The following COBL variants were observed in gnomAD, a reference collection of about 807,000 sequenced individuals.
COBL encodes protein cordon-bleu.
In COBL, 51 loss-of-function variants were observed where a neutral mutation model predicts 98.8. That is an observed-to-expected ratio of 0.52 (90% CI 0.41 to 0.65). COBL has a LOEUF of 0.65. Ranked by LOEUF, COBL falls within the 30% of genes least tolerant of loss-of-function variation. The pLI, the probability that COBL is intolerant of heterozygous loss-of-function variation, is 0.00. For missense variants in COBL, 1,617 were observed against 1,617.5 expected (o/e 1.00, Z 0.01); for synonymous variants, 634 against 651.7 (o/e 0.97, Z 0.41).
chr7:51,092,007 T>C (rs906191830), intron 6 of COBL, among the ~76,000 whole-genome samples: 67 of 152,288 alleles, frequency 4.4e-4, no homozygotes, highest in Non-Finnish European at 6.8e-4. Context: ...CGTGGCTTGA[T>C]AGGAACCAAG....
chr7:51,312,819 G>C (rs571875283), intron 1 of COBL, among the ~76,000 whole-genome samples: 1 of 152,264 alleles, frequency 6.6e-6, no homozygotes, highest in South Asian at 2.1e-4. Flanking sequence ...GGGCAGGAGA[G>C]ATGCAACACT....
At chr7:51,208,127 G>A (rs1273488136) in intron 2 of COBL, among the ~76,000 whole-genome samples, 11 of 149,348 alleles carry the variant, frequency 7.4e-5, no homozygotes, top group South Asian at 4.3e-4. Context: ...CCGTGACCCC[G>A]TCTGGGAGGT....
chr7:51,274,756 A>G (rs1314812632), intron 1 of COBL, among the ~76,000 whole-genome samples: 1 of 152,226 alleles, frequency 6.6e-6, no homozygotes, highest in African/African-American at 2.4e-5. Context: ...TGCCTTGTAC[A>G]ACAGACGTAT....
chr7:51,155,123 T>C (rs1785986079), intron 5 of COBL, among the ~76,000 whole-genome samples: 1 of 152,158 alleles, frequency 6.6e-6, no homozygotes, highest in African/African-American at 2.4e-5. Flanking sequence ...CAGCTATAAA[T>C]GGTTGTTGAG....
At chr7:51,172,769 CTTT>C (rs1021735942) in intron 5 of COBL, among the ~76,000 whole-genome samples, 2 of 152,026 alleles carry the variant, frequency 1.3e-5, no homozygotes, top group Non-Finnish European at 2.9e-5. Flanking sequence ...TTCTTTCTTT[CTTT>C]TTTTCTTTCT....
At chr7:51,148,938 A>T (rs1352028008) in intron 5 of COBL, among the ~76,000 whole-genome samples, 1 of 152,056 alleles carries the variant, frequency 6.6e-6, no homozygotes, top group Non-Finnish European at 1.5e-5. Flanking sequence ...CCACAAAAAA[A>T]TCTCTTATCT....
In COBL at chr7:51,028,110, T is replaced by C. The variant is rs755909358; in HGVS notation, c.2986A>G (p.Ser996Gly). 1 of 1,614,046 alleles carries C rather than the reference T, an allele frequency of 6.2e-7. No individual in the cohort carries two copies. The change falls in exon 10 of 13, where the codon AGT becomes GGT. Residue 996 changes from serine (S) to glycine (G), a missense_variant. This residue lies in a region of COBL where 1,304 missense variants were observed against 1,282.0 expected (regional missense o/e 1.02). Coordinates refer to ENST00000265136, the MANE Select transcript of COBL (RefSeq NM_015198.5). The part of the protein sequence containing the change: ...RVSVGQSCGF[S>G]GKQSTSSQEA... ...TGGCTACTTGTGCTTTGCTTTCCAC[T>C]GAAACCACAGCTCTGTCCCACAGAA...
At chr7:51,031,063 G>A (rs548815456) in intron 8 of COBL, 154 bp from the exon 9 acceptor site, 136 of 629,778 alleles carry the variant, frequency 2.2e-4, no homozygotes, top group Middle Eastern at 1.3e-3. Context: ...CTACGGAGAC[G>A]CAGATTGTTC....
intron 5 of COBL, among the ~76,000 whole-genome samples, chr7:51,151,819 C>G (rs950931818): frequency 1.3e-5 from 2 of 152,232 alleles, no homozygotes; most frequent in African/African-American, 4.8e-5. Context: ...AGAAAGGGCT[C>G]TGTGTGCCTG....
chr7:51,259,409 C>T (rs1259400792), intron 1 of COBL: 2 of 439,452 alleles, frequency 4.6e-6, no homozygotes, highest in Non-Finnish European at 8.3e-6. Flanking sequence ...GGGCAGTTTT[C>T]AGCCCTGCCT....
At chr7:51,111,213 T>C (rs1249900715) in intron 6 of COBL, among the ~76,000 whole-genome samples, 1 of 152,200 alleles carries the variant, frequency 6.6e-6, no homozygotes, top group African/African-American at 2.4e-5. Flanking sequence ...AGTGGTGGGA[T>C]TGCTGCATCA....
chr7:51,127,613 T>TA (rs1331735856), intron 6 of COBL, among the ~76,000 whole-genome samples: 3 of 152,140 alleles, frequency 2.0e-5, no homozygotes, highest in East Asian at 3.9e-4. Context: ...TCTGAAAGAC[T>TA]AAAGCATTCA....
chr7:51,080,262 C>T (rs1328754658), intron 7 of COBL, among the ~76,000 whole-genome samples: 1 of 152,190 alleles, frequency 6.6e-6, no homozygotes, highest in African/African-American at 2.4e-5. Context: ...GCGCACAAAT[C>T]CATTATCCAT....
chr7:51,150,310 T>G (rs1288042885), intron 5 of COBL, among the ~76,000 whole-genome samples: 14 of 152,154 alleles, frequency 9.2e-5, no homozygotes, highest in Admixed American at 8.5e-4. Context: ...GACAGCTTCC[T>G]ACATTTCTGA....
At position 51,310,892 on chromosome 7, in the gene COBL, G is replaced by A. The variant is rs1042232662; in HGVS notation, c.41+5701C>T. 5.3e-5 allele frequency among the ~76,000 whole-genome samples: 8 copies of A among 151,980 alleles called. No individual in the cohort carries two copies. In the South Asian group the frequency reaches 1.5e-3, roughly 28 times the overall value. On this transcript the variant is annotated intron_variant, in intron 1 of 12. Coordinates refer to ENST00000265136, the MANE Select transcript of COBL (RefSeq NM_015198.5). ...AGGATGGTCTCGATCTCTTGACCTC[G>A]TGATCAACCCACCTCGGCCTCCCAA... is the stretch of plus-strand genomic sequence containing the variant.
intron 7 of COBL, among the ~76,000 whole-genome samples, chr7:51,077,327 C>T (rs1055614042): frequency 3.9e-5 from 6 of 152,194 alleles, no homozygotes; most frequent in Admixed American, 6.5e-5. Flanking sequence ...ACTAGTGATG[C>T]CCTTTGTGAC....
At chr7:51,085,076 TG>T in intron 7 of COBL, 89 bp downstream of exon 7, 1 of 1,587,274 alleles carries the variant, frequency 6.3e-7, no homozygotes, top group Admixed American at 1.8e-5. Flanking sequence ...TCATTATGGA[TG>T]AGGCCACTGC....
chr7:51,177,042 T>A (rs1004733610), intron 5 of COBL, among the ~76,000 whole-genome samples: 2 of 152,244 alleles, frequency 1.3e-5, no homozygotes, highest in African/African-American at 4.8e-5. Flanking sequence ...GGTCTACTAG[T>A]CAAATAGGTT....
intron 6 of COBL, among the ~76,000 whole-genome samples, chr7:51,107,090 TTG>T (rs368204480): frequency 0.16 from 20,030 of 128,102 alleles, 2,466 homozygotes; most frequent in Non-Finnish European, 0.24. Context: ...CCTAGTTTGT[TTG>T]TTTTTTTTTT....
Sources: gnomAD v4.1 joint callset for allele counts (sites outside exome capture counted in the v4.1 genomes callset) on GRCh38, gnomAD v4.1.1 for gene constraint, gnomAD v4.1.1 regional missense constraint, MANE v1.5 for transcripts, NCBI Gene and HGNC (gene_info 2026-07-23, HGNC 2026-07-21) for gene names.